The following LPP variants were observed in gnomAD, a reference collection of about 807,000 sequenced individuals.
LPP encodes lipoma-preferred partner.
Under a neutral mutation model 60.4 loss-of-function variants are expected in LPP, and 38 were observed. That is an observed-to-expected ratio of 0.63 (90% CI 0.49 to 0.83). The LOEUF is 0.83. Ranked by LOEUF, LPP falls within the 40% of genes least tolerant of loss-of-function variation. LPP has a pLI of 0.00. For synonymous variants in LPP, 328 were observed against 290.8 expected (o/e 1.13, Z -1.30); for missense variants, 902 against 783.6 (o/e 1.15, Z -1.80).
At position 188,876,347 on chromosome 3, in the gene LPP, C is replaced by T. The variant is rs1157954106; in HGVS notation, c.*1868C>T. On this transcript the variant is annotated 3_prime_UTR_variant, in exon 12 of 12. Transcript: ENST00000617246. Reference sequence around the variant, plus strand: ...ATGTATGGCTCATTTGCTTTTGTCACTAAACGGTTTTGTGTTAGAACCACC... The same window carrying T: ...ATGTATGGCTCATTTGCTTTTGTCATTAAACGGTTTTGTGTTAGAACCACC... 5.2e-6 allele frequency: 1 copy of T among 190,882 alleles called. No individual in the cohort carries two copies. The highest frequency in any genetic ancestry group is 8.4e-5 in the East Asian group (1 of 11,932). 11.8% of individuals were successfully genotyped at this position (190,882 alleles called of 1,614,324 possible). A position where few individuals can be genotyped will look rare whatever the true frequency, so the allele number is the denominator to read the frequency against.
At chr3:188,714,684 G>A (rs754390930) in intron 8 of LPP, among the ~76,000 whole-genome samples, 5 of 152,020 alleles carry the variant, frequency 3.3e-5, no homozygotes, top group Non-Finnish European at 7.4e-5. Flanking sequence ...TCGCATTACA[G>A]TATTAGGTAA....
At chr3:188,359,282 G>A (rs373199004) in intron 3 of LPP, among the ~76,000 whole-genome samples, 13 of 152,180 alleles carry the variant, frequency 8.5e-5, no homozygotes, top group African/African-American at 3.1e-4. Context: ...AGCTGCATCC[G>A]AGGTAACAAA....
rs530233194 is a variant in LPP, at chr3:188,566,402, C to A, written c.429+41615C>A. On this transcript the variant is annotated intron_variant, in intron 6 of 11. Transcript: ENST00000617246. ...GGGAACTGTGTCATATTTTCTGTATCATATTTCATGTTAGCTTTATTAGTT... is the reference window on the plus strand; with the variant it reads ...GGGAACTGTGTCATATTTTCTGTATAATATTTCATGTTAGCTTTATTAGTT... 9.9e-5 allele frequency among the ~76,000 whole-genome samples: 15 copies of A among 151,958 alleles called. No homozygotes were observed. The South Asian group carries it at 3.1e-3, about 32-fold the overall frequency.
chr3:188,680,994 CTTTT>C (rs11307025), intron 7 of LPP, among the ~76,000 whole-genome samples: 3 of 129,096 alleles, frequency 2.3e-5, no homozygotes, highest in African/African-American at 2.9e-5. Flanking sequence ...GGTGCATTTC[CTTTT>C]TTTTTTTTTT....
At chr3:188,423,098 T>A (rs1788300897) in intron 4 of LPP, among the ~76,000 whole-genome samples, 1 of 151,380 alleles carries the variant, frequency 6.6e-6, no homozygotes, top group African/African-American at 2.4e-5. Flanking sequence ...ATCCCTCCCC[T>A]AGGCCCCCAC....
At chr3:188,230,254 T>G (rs150910124) in intron 2 of LPP, among the ~76,000 whole-genome samples, 6,040 of 152,046 alleles carry the variant, frequency 0.04, 403 homozygotes, top group African/African-American at 0.14. Flanking sequence ...CCCAGCTAAT[T>G]TTTGTATTTT....
At chr3:188,698,662 C>T (rs1180518057) in intron 7 of LPP, among the ~76,000 whole-genome samples, 3 of 152,166 alleles carry the variant, frequency 2.0e-5, no homozygotes, top group Non-Finnish European at 2.9e-5. Context: ...CTTGCCTACC[C>T]GGCAGGATAA....
chr3:188,633,098 T>C (rs1848133320), intron 7 of LPP, among the ~76,000 whole-genome samples: 1 of 152,210 alleles, frequency 6.6e-6, no homozygotes, highest in Non-Finnish European at 1.5e-5. Flanking sequence ...CTTTGAATGA[T>C]TCTTCCAAGT....
chr3:188,669,445 G>A (rs900100036), intron 7 of LPP, among the ~76,000 whole-genome samples: 98 of 152,098 alleles, frequency 6.4e-4, no homozygotes, highest in African/African-American at 2.0e-3. Flanking sequence ...GCGTGGTGGC[G>A]GGCACCTGTA....
intron 8 of LPP, among the ~76,000 whole-genome samples, chr3:188,713,891 G>A (rs191921691): frequency 1.2e-4 from 19 of 152,190 alleles, no homozygotes; most frequent in East Asian, 9.7e-4. Flanking sequence ...GAAATTTCCC[G>A]TTATCGTTTT....
At chr3:188,776,566 C>G (rs962499889) in intron 9 of LPP, among the ~76,000 whole-genome samples, 1 of 152,152 alleles carries the variant, frequency 6.6e-6, no homozygotes, top group Non-Finnish European at 1.5e-5. Flanking sequence ...CTGATGGCAT[C>G]TTAATGGAAT....
At chr3:188,158,771 C>T (rs1049677989) in intron 1 of LPP, among the ~76,000 whole-genome samples, 2 of 152,186 alleles carry the variant, frequency 1.3e-5, no homozygotes, top group Non-Finnish European at 2.9e-5. Context: ...CAAACTTCTG[C>T]CTCATTCTTA....
chr3:188,188,092 A>G (rs891345604), intron 1 of LPP, among the ~76,000 whole-genome samples: 2 of 152,210 alleles, frequency 1.3e-5, no homozygotes, highest in Admixed American at 1.3e-4. Flanking sequence ...GAACATTTTT[A>G]TGCATAAAGC....
At chr3:188,680,494 A>C (rs549596151) in intron 7 of LPP, among the ~76,000 whole-genome samples, 1 of 152,348 alleles carries the variant, frequency 6.6e-6, no homozygotes, top group Admixed American at 6.5e-5. Context: ...AAAAAGCATA[A>C]CTTACTTCTC....
chr3:188,858,661 A>G (rs538925591), intron 9 of LPP, among the ~76,000 whole-genome samples: 3 of 152,254 alleles, frequency 2.0e-5, no homozygotes, highest in African/African-American at 7.2e-5. Flanking sequence ...CTTTTTCCTT[A>G]TGGTTTTAGG....
At chr3:188,558,638 A>G (rs4686975) in intron 6 of LPP, among the ~76,000 whole-genome samples, 20,167 of 152,108 alleles carry the variant, frequency 0.13, 1,677 homozygotes, top group Middle Eastern at 0.19. Context: ...ACAAATGAAA[A>G]CAAATGGGTA....
At chr3:188,546,848 C>T (rs1826784211) in intron 6 of LPP, among the ~76,000 whole-genome samples, 1 of 152,144 alleles carries the variant, frequency 6.6e-6, no homozygotes, top group Non-Finnish European at 1.5e-5. Context: ...TTAAAATTTA[C>T]TTATTTATTG....
chr3:188,853,081 T>C (rs573289230), intron 9 of LPP, among the ~76,000 whole-genome samples: 14 of 150,504 alleles, frequency 9.3e-5, no homozygotes, highest in African/African-American at 3.4e-4. Context: ...ACCCGGGAAG[T>C]GGAGGTTGCA....
chr3:188,343,832 C>T (rs1189457815), intron 3 of LPP, among the ~76,000 whole-genome samples: 1 of 152,100 alleles, frequency 6.6e-6, no homozygotes, highest in Non-Finnish European at 1.5e-5. Context: ...TAAAATAATC[C>T]TGTGGCAATA....
Sources: gnomAD v4.1 joint callset for allele counts (sites outside exome capture counted in the v4.1 genomes callset) on GRCh38, gnomAD v4.1.1 for gene constraint, MANE v1.5 for transcripts, NCBI Gene and HGNC (gene_info 2026-07-23, HGNC 2026-07-21) for gene names.